CDK14: variants seen among roughly 807,000 people sequenced by gnomAD.
The protein encoded by CDK14 is cyclin-dependent kinase 14.
In CDK14, 34 loss-of-function variants were observed where a neutral mutation model predicts 60.7. The observed-to-expected ratio is 0.56, with a 90% CI of 0.43 to 0.75. The LOEUF (loss-of-function observed/expected upper bound fraction) is 0.75. Ranked by LOEUF, CDK14 falls within the 30% of genes least tolerant of loss-of-function variation. The probability of loss-of-function intolerance (pLI) is 0.00; values close to 1 mark genes in which losing one functional copy is unlikely to be tolerated. For synonymous variants in CDK14, 197 were observed against 203.7 expected (o/e 0.97, Z 0.28); for missense variants, 482 against 564.1 (o/e 0.85, Z 1.47).
Position 90,712,102 on chromosome 7 carries a change from A to T in CDK14, c.124-14465A>T, listed in dbSNP as rs138672733. The stretch of plus-strand genomic sequence containing the variant: ...TTTCATTTTGGTAGTTATGAAGGAG[A>T]TATTGTATGCTTTGATATTTTTTAT... On this transcript the variant is annotated intron_variant, in intron 2 of 14. Coordinates refer to ENST00000380050, the MANE Select transcript of CDK14 (RefSeq NM_001287135.2). Among the ~76,000 whole-genome samples the T allele has an allele frequency of 1.8e-3, 271 of 151,448 alleles. 6 individuals are homozygous for T. In the East Asian group the frequency reaches 0.022, roughly 12 times the overall value.
At chr7:90,621,663 T>TTCCTGCCTTCCTG (rs1554421126) in intron 2 of CDK14, among the ~76,000 whole-genome samples, 4,295 of 111,844 alleles carry the variant, frequency 0.038, 93 homozygotes, top group East Asian at 0.073. Flanking sequence ...CTTCCTTCCT[T>TTCCTGCCTTCCTG]CCTTCCTGCC....
chr7:90,940,353 C>A (rs892964353), intron 8 of CDK14, among the ~76,000 whole-genome samples: 1 of 152,098 alleles, frequency 6.6e-6, no homozygotes, highest in Non-Finnish European at 1.5e-5. Flanking sequence ...TAGTACATAG[C>A]GATTTATTGG....
chr7:91,039,705 T>C lies in CDK14; in HGVS notation c.1042-6192T>C, dbSNP rs536673542. Among the ~76,000 whole-genome samples, 311 of 152,308 alleles carry C rather than the reference T, an allele frequency of 2.0e-3. 1 individual carries two copies. Among genetic ancestry groups the C allele is most frequent in the African/African-American group, 7.1e-3 (294 of 41,570 alleles). ...TTCCATCTGTCCTTGGCCACTCTTA[T>C]AATTTCCTCTTACTTGCATCTTTCC... On this transcript the variant is annotated intron_variant, in intron 10 of 14. Coordinates refer to ENST00000380050, the MANE Select transcript of CDK14 (RefSeq NM_001287135.2).
chr7:91,209,495 GCTT>G lies in CDK14; in HGVS notation c.*2363_*2365del, dbSNP rs1803002653. 1 of 141,622 alleles carries G rather than the reference GCTT, an allele frequency of 7.1e-6. No homozygotes were observed. The highest frequency in any genetic ancestry group is 1.5e-5 in the Non-Finnish European group (1 of 66,660). 8.8% of individuals were successfully genotyped at this position (141,622 alleles called of 1,614,324 possible). A position where few individuals can be genotyped will look rare whatever the true frequency, so the allele number is the denominator to read the frequency against. On this transcript the variant is annotated 3_prime_UTR_variant, in exon 15 of 15. Transcript: ENST00000380050. ...CTATTTGCAATCATATTCTCCCTCT[GCTT>G]CTTTTCTCTTCTGCCCTCCTTGTGG...
At chr7:90,825,429 A>G (rs1314699059) in intron 5 of CDK14, among the ~76,000 whole-genome samples, 1 of 152,180 alleles carries the variant, frequency 6.6e-6, no homozygotes, top group Admixed American at 6.5e-5. Flanking sequence ...TTAAAGTAAA[A>G]TGCCCATGAA....
At chr7:90,750,245 C>T (rs1274133170) in intron 4 of CDK14, among the ~76,000 whole-genome samples, 1 of 150,832 alleles carries the variant, frequency 6.6e-6, no homozygotes, top group East Asian at 2.0e-4. Flanking sequence ...GCAATCTGTA[C>T]AAAAATAATT....
chr7:91,132,379 G>A (rs114474477), intron 14 of CDK14, among the ~76,000 whole-genome samples: 64 of 152,186 alleles, frequency 4.2e-4, no homozygotes, highest in African/African-American at 1.5e-3. Context: ...AGAGCTAAGG[G>A]GCTGGGAGAT....
intron 14 of CDK14, among the ~76,000 whole-genome samples, chr7:91,166,119 C>T (rs906843183): frequency 1.3e-5 from 2 of 152,310 alleles, no homozygotes; most frequent in South Asian, 2.1e-4. Context: ...AAGGAGGCAA[C>T]GTGTTACTGA....
chr7:90,707,119 G>A (rs1416795494), intron 2 of CDK14, among the ~76,000 whole-genome samples: 2 of 152,096 alleles, frequency 1.3e-5, no homozygotes, highest in African/African-American at 4.8e-5. Flanking sequence ...CCCTTAGACA[G>A]CTGCTTGTGC....
chr7:90,931,948 A>G (rs1793605405), intron 8 of CDK14, among the ~76,000 whole-genome samples: 1 of 152,194 alleles, frequency 6.6e-6, no homozygotes, highest in South Asian at 2.1e-4. Context: ...TTTCTTACAA[A>G]ATATGTTGAG....
At chr7:91,176,369 A>T (rs1305334144) in intron 14 of CDK14, among the ~76,000 whole-genome samples, 1 of 152,206 alleles carries the variant, frequency 6.6e-6, no homozygotes. Flanking sequence ...AAAGATCCAA[A>T]ATTGACACCC....
At chr7:90,792,681 G>T (rs1030972541) in intron 5 of CDK14, among the ~76,000 whole-genome samples, 5 of 151,542 alleles carry the variant, frequency 3.3e-5, no homozygotes, top group Non-Finnish European at 2.9e-5. Flanking sequence ...GATACCATCA[G>T]TTCTTCCATG....
intron 14 of CDK14, among the ~76,000 whole-genome samples, chr7:91,152,909 A>G (rs1484928508): frequency 6.6e-6 from 1 of 152,196 alleles, no homozygotes; most frequent in Non-Finnish European, 1.5e-5. Context: ...GTTGAGTACC[A>G]TTTTCCATGT....
At position 91,172,019 on chromosome 7, in the gene CDK14, G is replaced by C. The variant is rs190132496; in HGVS notation, c.*29-35146G>C. ...GATTTTTAAATTGTTTTATGATAGA[G>C]GATCAGTTGTGTGCAGTCCACAAAT... On this transcript the variant is annotated intron_variant, in intron 14 of 14. Coordinates refer to ENST00000380050, the MANE Select transcript of CDK14 (RefSeq NM_001287135.2). Among the ~76,000 whole-genome samples, 13 of 152,252 alleles carry C rather than the reference G, an allele frequency of 8.5e-5. No individual in the cohort carries two copies. The East Asian group carries it at 2.3e-3, about 27-fold the overall frequency.
intron 10 of CDK14, among the ~76,000 whole-genome samples, chr7:91,005,144 T>C (rs2115775011): frequency 6.6e-6 from 1 of 152,328 alleles, no homozygotes; most frequent in East Asian, 1.9e-4. Flanking sequence ...GGCTTCCCTC[T>C]GGGTGCCAGT....
chr7:90,713,986 A>G (rs1563054157), intron 2 of CDK14, among the ~76,000 whole-genome samples: 1 of 152,112 alleles, frequency 6.6e-6, no homozygotes, highest in Non-Finnish European at 1.5e-5. Flanking sequence ...TAAGAGCTCA[A>G]CAAGTTAGCC....
At chr7:90,807,025 G>T (rs1222229253) in intron 5 of CDK14, among the ~76,000 whole-genome samples, 1 of 152,226 alleles carries the variant, frequency 6.6e-6, no homozygotes, top group Non-Finnish European at 1.5e-5. Context: ...TGCCTCTGTA[G>T]ACTCCACCTC....
At chr7:90,970,870 T>C (rs1475291198) in intron 9 of CDK14, among the ~76,000 whole-genome samples, 1 of 152,220 alleles carries the variant, frequency 6.6e-6, no homozygotes, top group Non-Finnish European at 1.5e-5. Flanking sequence ...CCTTTTTCTG[T>C]TGCAGTATCT....
chr7:91,136,568 T>C (rs1363289027), intron 14 of CDK14, among the ~76,000 whole-genome samples: 1 of 152,218 alleles, frequency 6.6e-6, no homozygotes, highest in East Asian at 1.9e-4. Context: ...TCTTAACACA[T>C]TTTATATATA....
Sources: gnomAD v4.1 joint callset for allele counts (sites outside exome capture counted in the v4.1 genomes callset) on GRCh38, gnomAD v4.1.1 for gene constraint, MANE v1.5 for transcripts, NCBI Gene and HGNC (gene_info 2026-07-23, HGNC 2026-07-21) for gene names.